Variants in SIK3 observed in about 807,000 individuals in gnomAD.
SIK3 encodes SIK family kinase 3, also known as serine/threonine-protein kinase SIK3.
In SIK3, 28 loss-of-function variants were observed where a neutral mutation model predicts 144.2. That is an observed-to-expected ratio of 0.19 (90% CI 0.14 to 0.27). The LOEUF is 0.27. SIK3 is among the 10% of genes least tolerant of loss of function. SIK3 has a pLI of 1.00. For missense variants in SIK3, 1,319 were observed against 1,776.0 expected (o/e 0.74, Z 4.62); for synonymous variants, 686 against 676.3 (o/e 1.01, Z -0.22).
intron 1 of SIK3, among the ~76,000 whole-genome samples, chr11:116,975,004 T>C (rs1232154020): frequency 6.6e-6 from 1 of 152,156 alleles, no homozygotes; most frequent in Non-Finnish European, 1.5e-5. Flanking sequence ...TCTTTTAAAT[T>C]TGTTTTAATC....
chr11:117,071,058 T>G (rs903778904), intron 1 of SIK3, among the ~76,000 whole-genome samples: 1 of 151,534 alleles, frequency 6.6e-6, no homozygotes, highest in Non-Finnish European at 1.5e-5. Context: ...AAACATAAAA[T>G]AAAACAAAAT....
chr11:116,916,958 T>C (rs552435307), intron 4 of SIK3, among the ~76,000 whole-genome samples: 1 of 151,640 alleles, frequency 6.6e-6, no homozygotes, highest in South Asian at 2.1e-4. Context: ...TAAAAAATTT[T>C]ATTGTTTTTT....
intron 1 of SIK3, among the ~76,000 whole-genome samples, chr11:117,030,230 G>A (rs998462577): frequency 3.3e-5 from 5 of 152,122 alleles, no homozygotes; most frequent in South Asian, 2.1e-4. Flanking sequence ...AGATGCCCAC[G>A]TCGTGACACA....
intron 13 of SIK3, among the ~76,000 whole-genome samples, chr11:116,871,439 A>T (rs908915587): frequency 3.3e-5 from 5 of 152,242 alleles, no homozygotes; most frequent in African/African-American, 9.6e-5. Context: ...CGCTGTGGCC[A>T]GTGACAAATG....
intron 1 of SIK3, among the ~76,000 whole-genome samples, chr11:117,088,676 C>A (rs1955119704): frequency 6.6e-6 from 1 of 152,028 alleles, no homozygotes; most frequent in Admixed American, 6.6e-5. Flanking sequence ...AGGTATTTTT[C>A]TTTGGTCCTT....
At position 116,861,420 on chromosome 11, in the gene SIK3, C is replaced by T. The variant is rs1019494654; in HGVS notation, c.2316-37G>A. 3 of 1,443,080 alleles carry T rather than the reference C, an allele frequency of 2.1e-6. No homozygotes were observed. In the African/African-American group the frequency reaches 4.3e-5, roughly 21 times the overall value. The allele number at this position is 1,443,080 out of a possible 1,614,324, so 89.4% of individuals were successfully genotyped here. A position where few individuals can be genotyped will look rare whatever the true frequency, so the allele number is the denominator to read the frequency against. On this transcript the variant is annotated intron_variant, in intron 18 of 24. Coordinates refer to ENST00000445177, the MANE Select transcript of SIK3 (RefSeq NM_001366686.3). ...CAAAAGAGATACACAAAGAAGCTTC[C>T]TAAGGTGACAGTACAATCTTAAGTT...
At position 116,897,209 on chromosome 11, in the gene SIK3, G is replaced by A; in HGVS notation, c.725C>T (p.Pro242Leu). ...ELFEGKEYDG[P>L]KVDIWSLGVV... Reference sequence around the variant, plus strand: ...GTTACTTACCCAGATGTCCACTTTGGGCCCATCATATTCTTTTCCTTCAAA... The same window carrying A: ...GTTACTTACCCAGATGTCCACTTTGAGCCCATCATATTCTTTTCCTTCAAA... Residue 242 changes from proline to leucine, a missense_variant, in exon 5 of 25, where the codon CCC (proline) becomes CTC (leucine). Physicochemically the swap from Pro to Leu is moderately conservative, Grantham distance 98. Coordinates refer to ENST00000445177, the MANE Select transcript of SIK3 (RefSeq NM_001366686.3). 6.2e-7 allele frequency: 1 copy of A among 1,613,864 alleles called. No homozygotes were observed.
chr11:116,965,754 T>C (rs1353477704), intron 1 of SIK3, among the ~76,000 whole-genome samples: 2 of 9,710 alleles, frequency 2.1e-4, no homozygotes, highest in African/African-American at 4.5e-4. Context: ...TATATATATA[T>C]ATATATATAT....
intron 1 of SIK3, among the ~76,000 whole-genome samples, chr11:116,991,439 G>A (rs1286425427): frequency 2.0e-5 from 3 of 152,142 alleles, no homozygotes; most frequent in Non-Finnish European, 4.4e-5. Flanking sequence ...AGAGCAAGGC[G>A]CTGTCTCAAA....
At chr11:116,967,011 AAAAG>A (rs1400290931) in intron 1 of SIK3, among the ~76,000 whole-genome samples, 2 of 142,696 alleles carry the variant, frequency 1.4e-5, no homozygotes, top group African/African-American at 2.6e-5. Flanking sequence ...TTCAAAAAAA[AAAAG>A]AAAAAGAAAA....
Position 116,921,411 on chromosome 11 carries a change from CTT to C in SIK3, c.616+5806_616+5807del, listed in dbSNP as rs1285578338. Reference sequence around the variant, plus strand: ...AGGGCTGGAGTCACGTTTCACGCTTCTTTTTTCTCTTCTGTGCCATTATGCAA... The same window carrying C: ...AGGGCTGGAGTCACGTTTCACGCTTCTTTTCTCTTCTGTGCCATTATGCAA... On this transcript the variant is annotated intron_variant, in intron 4 of 24. Coordinates refer to ENST00000445177, the MANE Select transcript of SIK3 (RefSeq NM_001366686.3). 1.2e-4 allele frequency among the ~76,000 whole-genome samples: 18 copies of C among 152,282 alleles called. No homozygotes were observed. The East Asian group carries it at 2.5e-3, about 21-fold the overall frequency.
chr11:117,013,959 C>CTT (rs1232857124), intron 1 of SIK3, among the ~76,000 whole-genome samples: 1 of 8,252 alleles, frequency 1.2e-4, no homozygotes, highest in Non-Finnish European at 2.9e-4. Flanking sequence ...TGTTTTATTT[C>CTT]TTTTTTTCTT....
chr11:117,003,147 A>G (rs1950914150), intron 1 of SIK3, among the ~76,000 whole-genome samples: 1 of 152,152 alleles, frequency 6.6e-6, no homozygotes, highest in South Asian at 2.1e-4. Context: ...TATGATACTG[A>G]TTTTTGCTAC....
chr11:116,855,923 C>T (rs1230962004), intron 21 of SIK3, among the ~76,000 whole-genome samples: 2 of 152,192 alleles, frequency 1.3e-5, no homozygotes, highest in Non-Finnish European at 2.9e-5. Flanking sequence ...CTCAGCCGGG[C>T]GCGGTGGCTC....
chr11:116,901,688 T>C (rs561011571), intron 4 of SIK3, among the ~76,000 whole-genome samples: 4 of 152,220 alleles, frequency 2.6e-5, no homozygotes, highest in Non-Finnish European at 4.4e-5. Context: ...TGTAAAGATC[T>C]ACCCTCTCTC....
chr11:116,975,429 AC>A (rs1231532566), intron 1 of SIK3, among the ~76,000 whole-genome samples: 1 of 151,966 alleles, frequency 6.6e-6, no homozygotes, highest in African/African-American at 2.4e-5. Context: ...ATTTGCCTAT[AC>A]TAAATATTTC....
intron 1 of SIK3, among the ~76,000 whole-genome samples, chr11:117,013,503 T>A (rs539649922): frequency 5.3e-5 from 8 of 152,254 alleles, no homozygotes; most frequent in African/African-American, 1.9e-4. Flanking sequence ...AAACTTTGTA[T>A]ACCAAACTGG....
chr11:116,917,211 A>C (rs537754376), intron 4 of SIK3, among the ~76,000 whole-genome samples: 123 of 152,068 alleles, frequency 8.1e-4, no homozygotes, highest in African/African-American at 2.9e-3. Context: ...CCCAACATCA[A>C]CTTGCATTTG....
At chr11:116,988,425 T>A (rs985863292) in intron 1 of SIK3, among the ~76,000 whole-genome samples, 6 of 151,502 alleles carry the variant, frequency 4.0e-5, no homozygotes, top group African/African-American at 1.2e-4. Context: ...AACTTTCTAA[T>A]GATAATTTTT....
Sources: gnomAD v4.1 joint callset for allele counts (sites outside exome capture counted in the v4.1 genomes callset) on GRCh38, gnomAD v4.1.1 for gene constraint, MANE v1.5 for transcripts, NCBI Gene and HGNC (gene_info 2026-07-23, HGNC 2026-07-21) for gene names.